ITGB3: variants seen among roughly 807,000 people sequenced by gnomAD.
ITGB3 encodes the protein integrin subunit beta 3.
A neutral mutation model predicts 85.8 loss-of-function variants in ITGB3; 48 were observed. The ratio of observed to expected loss-of-function variants is 0.56; its 90% CI spans 0.44 to 0.71. ITGB3 has a LOEUF of 0.71. ITGB3 is among the 30% of genes least tolerant of loss of function. ITGB3 has a pLI of 0.00. For synonymous variants in ITGB3, 363 were observed against 395.6 expected, an observed-to-expected ratio of 0.92 and a Z score of 0.98; for missense variants, 861 against 1,019.1, an observed-to-expected ratio of 0.84 and a Z score of 2.11.
At chr17:47,291,995 G>A (rs1316683168) in intron 9 of ITGB3, 144 bp from the exon 10 acceptor site, 2 of 788,622 alleles carry the variant, frequency 2.5e-6, no homozygotes, top group African/African-American at 3.4e-5. Flanking sequence ...TATAGGGAAG[G>A]CTGAGGAACT....
intron 4 of ITGB3, among the ~76,000 whole-genome samples, chr17:47,285,262 G>A (rs1046024969): frequency 2.6e-5 from 4 of 152,196 alleles, no homozygotes; most frequent in Non-Finnish European, 5.9e-5. Context: ...CCATGTATTA[G>A]AATAACTTAC....
chr17:47,289,636 A>G, intron 6 of ITGB3, 45 bp from the exon 7 acceptor site: 3 of 1,339,468 alleles, frequency 2.2e-6, no homozygotes, highest in Admixed American at 1.7e-5. Flanking sequence ...GACCCTAGAG[A>G]TGTACATGAG....
chr17:47,263,813 A>C (rs369678862), intron 1 of ITGB3, among the ~76,000 whole-genome samples: 48 of 152,278 alleles, frequency 3.2e-4, no homozygotes, highest in African/African-American at 1.0e-3. Context: ...TTCTTACAGC[A>C]TGAAGGGTCA....
chr17:47,290,293 G>A lies in ITGB3; in HGVS notation c.1125+19G>A, dbSNP rs1393852877. 2 of 1,600,354 alleles carry A rather than the reference G, an allele frequency of 1.2e-6. No individual in the cohort carries two copies. The highest frequency in any genetic ancestry group is 3.3e-5 in the Admixed American group (2 of 60,000). On this transcript the variant is annotated intron_variant, in intron 8 of 14. Transcript: ENST00000559488. ...TTATGGGGTAAGTGTCTTGTGCTGG[G>A]AATAGTCCCGCGGAGAGTCCACCTC... is the stretch of plus-strand genomic sequence containing the variant.
rs2065157059 is a variant in ITGB3 at position 47,299,314 on chromosome 17, G to A, written c.1697G>A (p.Gly566Asp). ...CTGGGCTGTGTGTTTTCAGGCCATG[G>A]CCAGTGCAGCTGTGGGGACTGCCTG... ...RYKGEMCSGH[G>D]QCSCGDCLCD... The change falls in exon 11 of 15, where the codon GGC (glycine) becomes GAC (aspartate). Residue 566 changes from glycine to aspartate, a missense_variant. Gly to Asp is a moderately conservative substitution (Grantham distance 94). Coordinates refer to ENST00000559488, the MANE Select transcript of ITGB3 (RefSeq NM_000212.3). The surrounding 1 kb of genome is among the most constrained non-coding windows in gnomAD (Gnocchi z 5.1). 6.2e-7 allele frequency: 1 copy of A among 1,613,898 alleles called. No individual in the cohort carries two copies. The highest frequency in any genetic ancestry group is 8.5e-7 in the Non-Finnish European group (1 of 1,180,042).
intron 10 of ITGB3, among the ~76,000 whole-genome samples, chr17:47,296,018 T>A (rs1048339564): frequency 1.3e-5 from 2 of 152,238 alleles, no homozygotes; most frequent in Non-Finnish European, 2.9e-5. Context: ...GGCATCTGGC[T>A]GAGACCACAT....
intron 9 of ITGB3, chr17:47,291,294 CTGTTACGTGAA>C: frequency 1.6e-6 from 1 of 626,042 alleles, no homozygotes; most frequent in Non-Finnish European, 2.8e-6. Context: ...TAAGCCATTT[CTGTTACGTGAA>C]CTTCACTCTC....
chr17:47,308,160 A>AATAATAAT (rs2065196634), intron 14 of ITGB3, among the ~76,000 whole-genome samples: 2 of 138,546 alleles, frequency 1.4e-5, no homozygotes, highest in Admixed American at 1.4e-4. Flanking sequence ...TCGGTCTCAA[A>AATAATAAT]AATAATAATA....
At chr17:47,254,861 C>T (rs1019319450) in intron 1 of ITGB3, among the ~76,000 whole-genome samples, 4 of 152,182 alleles carry the variant, frequency 2.6e-5, no homozygotes, top group Admixed American at 1.3e-4. Flanking sequence ...CTGGGGCCGC[C>T]TCTGCCTCAG....
chr17:47,263,856 G>A (rs1055269111), intron 1 of ITGB3, among the ~76,000 whole-genome samples: 48 of 152,284 alleles, frequency 3.2e-4, no homozygotes, highest in African/African-American at 9.1e-4. Flanking sequence ...CAAGACATTT[G>A]AACTTTGTGT....
At chr17:47,303,741 G>A (rs191748467) in intron 13 of ITGB3, 4 of 152,322 alleles carry the variant, frequency 2.6e-5, no homozygotes, top group Admixed American at 1.3e-4. Flanking sequence ...CAATGCTGTC[G>A]ATCGCTTGCT....
intron 14 of ITGB3, among the ~76,000 whole-genome samples, chr17:47,309,669 G>A (rs2065205220): frequency 6.6e-6 from 1 of 152,032 alleles, no homozygotes; most frequent in Non-Finnish European, 1.5e-5. Flanking sequence ...TGAGGCAGGT[G>A]GATCGCTTGA....
intron 1 of ITGB3, among the ~76,000 whole-genome samples, chr17:47,273,067 G>A (rs1041553603): frequency 1.3e-5 from 2 of 152,252 alleles, no homozygotes; most frequent in Admixed American, 6.5e-5. Flanking sequence ...GAGCCACCAC[G>A]CCTGGCCATA....
chr17:47,313,347 CT>C lies in ITGB3; in HGVS notation c.*3160del, dbSNP rs11381846. ...AGTATTCCTGGTTGAAATTTCTTTTCTTTTTTTTTTTTTTTTTGAGACAGAG... is the reference window on the plus strand; with the variant it reads ...AGTATTCCTGGTTGAAATTTCTTTTCTTTTTTTTTTTTTTTTGAGACAGAG... On this transcript the variant is annotated 3_prime_UTR_variant, in exon 15 of 15. Transcript: ENST00000559488. 2.1e-3 allele frequency among the ~76,000 whole-genome samples: 269 copies of C among 128,282 alleles called. 1 individual carries two copies. The highest frequency in any genetic ancestry group is 5.3e-3 in the African/African-American group (179 of 33,916). 84.2% of individuals were successfully genotyped at this position (128,282 alleles called of 152,430 possible).
chr17:47,291,087 C>T lies in ITGB3; in HGVS notation c.1259C>T (p.Thr420Met), dbSNP rs147758772. 21 of 1,613,982 alleles carry T rather than the reference C, an allele frequency of 1.3e-5. No homozygotes were observed. The highest frequency in any genetic ancestry group is 1.7e-5 in the Admixed American group (1 of 59,996). Residue 420 changes from threonine to methionine, a missense_variant and splice_region_variant, in exon 9 of 15, where the codon ACG (threonine) becomes ATG (methionine). Physicochemically the swap from Thr to Met is moderately conservative, Grantham distance 81. Transcript: ENST00000559488. ...KSCMGLKIGDTVSFSIEAKVR... is the reference protein window; with the variant it reads ...KSCMGLKIGDMVSFSIEAKVR... ...TGTATGGGACTCAAGATTGGAGACA[C>T]GGTGAGGTGGGCTGGGCAGGGCCTT...
At chr17:47,268,814 G>A (rs1466804904) in intron 1 of ITGB3, among the ~76,000 whole-genome samples, 2 of 152,232 alleles carry the variant, frequency 1.3e-5, no homozygotes, top group African/African-American at 4.8e-5. Flanking sequence ...GGCAGTGCCC[G>A]AGTGGGGGGC....
At position 47,286,421 on chromosome 17, in the gene ITGB3, A is replaced by G. The variant is rs1290660101; in HGVS notation, c.776A>G (p.Asp259Gly). 1 of 1,613,946 alleles carries G rather than the reference A, an allele frequency of 6.2e-7. No homozygotes were observed. The highest frequency in any genetic ancestry group is 8.5e-7 in the Non-Finnish European group (1 of 1,179,976). Residue 259 changes from aspartate to glycine, a missense_variant and splice_region_variant, in exon 5 of 15, where the codon GAT becomes GGT. Asp to Gly is a moderately conservative substitution (Grantham distance 94). Transcript: ENST00000559488. ...GCCATCATGCAGGCTACAGTCTGTG[A>G]TGTGAGTTTGGAGGACTTGGAGTGC... ...FDAIMQATVC[D>G]EKIGWRNDAS... is the part of the protein sequence containing the mutation.
intron 13 of ITGB3, among the ~76,000 whole-genome samples, 180 bp downstream of exon 13, chr17:47,303,020 G>A (rs2065173177): frequency 6.6e-6 from 1 of 152,178 alleles, no homozygotes; most frequent in South Asian, 2.1e-4. Context: ...GGCCATGGTG[G>A]GTGGATCGTC....
intron 6 of ITGB3, among the ~76,000 whole-genome samples, chr17:47,288,235 AG>A (rs2065111411): frequency 1.3e-5 from 1 of 79,502 alleles, no homozygotes; most frequent in African/African-American, 4.2e-5. Flanking sequence ...AGAGAGAGAG[AG>A]AGAGAAAGAG....
Sources: allele counts gnomAD v4.1 joint callset (sites outside exome capture counted in the v4.1 genomes callset), GRCh38; gene constraint gnomAD v4.1.1; non-coding constraint Gnocchi (gnomAD v3.1); transcripts MANE v1.5; gene names NCBI Gene and HGNC (gene_info 2026-07-23, HGNC 2026-07-21).